The following DYTN variants were observed in gnomAD, a reference collection of about 807,000 sequenced individuals.
DYTN encodes dystrotelin.
A neutral mutation model predicts 69.6 loss-of-function variants in DYTN; 75 were observed. The ratio of observed to expected loss-of-function variants is 1.08; its 90% confidence interval spans 0.89 to 1.31. The LOEUF is 1.31. Ranked by LOEUF, DYTN falls within the 50% of genes most tolerant of loss-of-function variation. The pLI is 0.00. For synonymous variants in DYTN, 252 were observed against 249.1 expected (o/e 1.01, Z -0.11); for missense variants, 726 against 688.4 (o/e 1.05, Z -0.61).
At chr2:206,671,639 A>G (rs760516166) in intron 9 of DYTN, among the ~76,000 whole-genome samples, 1 of 152,240 alleles carries the variant, frequency 6.6e-6, no homozygotes, top group African/African-American at 2.4e-5. Flanking sequence ...GTGTATACAT[A>G]TGCTATAAAC....
chr2:206,707,284 C>T lies in DYTN; in HGVS notation c.296+18G>A, dbSNP rs770789185. On this transcript the variant is annotated intron_variant, in intron 3 of 11. Coordinates refer to ENST00000452335, the MANE Select transcript of DYTN (RefSeq NM_001093730.1). ...AAACTTTGCCTTTGAGGTCACAGCGCGACGTCCACACCCTCACCTGTTGTA... is the reference window on the plus strand; with the variant it reads ...AAACTTTGCCTTTGAGGTCACAGCGTGACGTCCACACCCTCACCTGTTGTA... 2.1e-5 allele frequency: 34 copies of T among 1,606,554 alleles called. No homozygotes were observed. In the South Asian group the frequency reaches 2.9e-4, roughly 14 times the overall value.
At chr2:206,660,299 C>G (rs1375339075) in intron 11 of DYTN, among the ~76,000 whole-genome samples, 1 of 151,984 alleles carries the variant, frequency 6.6e-6, no homozygotes, top group Non-Finnish European at 1.5e-5. Context: ...TTGATAAGGT[C>G]CCTTGAACTA....
intron 9 of DYTN, among the ~76,000 whole-genome samples, chr2:206,682,118 G>T (rs1699756752): frequency 6.6e-6 from 1 of 152,098 alleles, no homozygotes; most frequent in African/African-American, 2.4e-5. Context: ...GGGTGTGTGT[G>T]TCTAGGAATT....
chr2:206,653,570 A>G (rs1212386407), intron 11 of DYTN, among the ~76,000 whole-genome samples: 1 of 152,214 alleles, frequency 6.6e-6, no homozygotes, highest in Admixed American at 6.5e-5. Context: ...CAAGAATGAT[A>G]GATGTAGAAA....
At chr2:206,691,643 T>C (rs1699864044) in intron 9 of DYTN, among the ~76,000 whole-genome samples, 1 of 152,202 alleles carries the variant, frequency 6.6e-6, no homozygotes, top group South Asian at 2.1e-4. Flanking sequence ...TACATCAAGA[T>C]GATATCCAAA....
At chr2:206,652,285 C>A (rs561981888) in intron 11 of DYTN, among the ~76,000 whole-genome samples, 1 of 152,116 alleles carries the variant, frequency 6.6e-6, no homozygotes, top group African/African-American at 2.4e-5. Flanking sequence ...TCAGGTGGGA[C>A]GGAGCCTGAG....
At chr2:206,701,866 T>C (rs994836233) in intron 5 of DYTN, among the ~76,000 whole-genome samples, 5 of 152,192 alleles carry the variant, frequency 3.3e-5, no homozygotes, top group African/African-American at 1.2e-4. Flanking sequence ...TTATGCAGTG[T>C]ATATCTATCT....
intron 10 of DYTN, among the ~76,000 whole-genome samples, chr2:206,665,375 T>G (rs1292852233): frequency 6.6e-6 from 1 of 152,010 alleles, no homozygotes; most frequent in Admixed American, 6.5e-5. Context: ...TGCATTAATT[T>G]TATTACTTAT....
intron 1 of DYTN, 102 bp downstream of exon 1, chr2:206,718,159 C>A: frequency 7.8e-7 from 1 of 1,285,676 alleles, no homozygotes. Flanking sequence ...AGAAATTTGC[C>A]AAATGTTTAC....
chr2:206,660,264 A>G (rs1006881875), intron 11 of DYTN, among the ~76,000 whole-genome samples: 1 of 152,190 alleles, frequency 6.6e-6, no homozygotes, highest in Non-Finnish European at 1.5e-5. Context: ...TTTTAATGAT[A>G]TAGTGATGCA....
At chr2:206,677,247 C>A (rs780908346) in intron 9 of DYTN, among the ~76,000 whole-genome samples, 29 of 152,142 alleles carry the variant, frequency 1.9e-4, no homozygotes, top group Non-Finnish European at 4.0e-4. Flanking sequence ...TGCACCCAAG[C>A]ATGTACAGCT....
chr2:206,669,204 A>C (rs1190070164), intron 9 of DYTN, among the ~76,000 whole-genome samples: 1 of 152,234 alleles, frequency 6.6e-6, no homozygotes, highest in Admixed American at 6.5e-5. Flanking sequence ...GTGAACTTGC[A>C]GTTAACTACC....
chr2:206,701,702 A>C (rs1699979234), intron 5 of DYTN, among the ~76,000 whole-genome samples: 1 of 152,178 alleles, frequency 6.6e-6, no homozygotes, highest in African/African-American at 2.4e-5. Flanking sequence ...AATTCTGGGA[A>C]TCTAATTGCA....
At chr2:206,662,388 C>A (rs965118457) in intron 11 of DYTN, among the ~76,000 whole-genome samples, 5 of 152,040 alleles carry the variant, frequency 3.3e-5, no homozygotes, top group Non-Finnish European at 7.4e-5. Context: ...AAGACAATGG[C>A]ACTCCAAAAC....
chr2:206,676,448 G>C (rs1699688669), intron 9 of DYTN, among the ~76,000 whole-genome samples: 1 of 152,096 alleles, frequency 6.6e-6, no homozygotes, highest in African/African-American at 2.4e-5. Context: ...GGCAAGGGGA[G>C]GGAGAGCATT....
chr2:206,713,035 G>C (rs543823306), intron 1 of DYTN, among the ~76,000 whole-genome samples: 1 of 152,322 alleles, frequency 6.6e-6, no homozygotes, highest in African/African-American at 2.4e-5. Context: ...CTTAGAGATG[G>C]AGAGAAACCG....
At chr2:206,665,679 T>C (rs1699562685) in intron 10 of DYTN, among the ~76,000 whole-genome samples, 191 bp downstream of exon 10, 1 of 152,180 alleles carries the variant, frequency 6.6e-6, no homozygotes, top group African/African-American at 2.4e-5. Flanking sequence ...GATCCTGTTG[T>C]TTTTCAATGG....
At chr2:206,704,167 G>T (rs1328130575) in intron 5 of DYTN, among the ~76,000 whole-genome samples, 1 of 152,136 alleles carries the variant, frequency 6.6e-6, no homozygotes, top group Non-Finnish European at 1.5e-5. Flanking sequence ...AGTCACTGGA[G>T]ATATAAAAAT....
At position 206,693,279 on chromosome 2, in the gene DYTN, T is replaced by C; in HGVS notation, c.876A>G (p.Arg292=). 2 of 1,613,524 alleles carry C rather than the reference T, an allele frequency of 1.2e-6. No individual in the cohort carries two copies. The highest frequency in any genetic ancestry group is 1.7e-6 in the Non-Finnish European group (2 of 1,179,864). The change falls in exon 9 of 12, where the codon AGA becomes AGG. Residue 292 remains arginine, a synonymous_variant. Coordinates refer to ENST00000452335, the MANE Select transcript of DYTN (RefSeq NM_001093730.1). ...TACAGCGCCCCTGAAGAAGGTTGTT[T>C]CTGAGGGTCCTGAAGAGAAGTTTTG... ...QNTKLLFRTL[R]NNLLQGRCRK...
Sources: allele counts gnomAD v4.1 joint callset (sites outside exome capture counted in the v4.1 genomes callset), GRCh38; gene constraint gnomAD v4.1.1; transcripts MANE v1.5; gene names NCBI Gene and HGNC (gene_info 2026-07-23, HGNC 2026-07-21).